The following CNTN1 variants were observed in gnomAD, a reference collection of about 807,000 sequenced individuals.
The protein encoded by CNTN1 is contactin-1.
A neutral mutation model predicts 126.4 loss-of-function variants in CNTN1; 38 were observed. The ratio of observed to expected loss-of-function variants is 0.30; its 90% CI spans 0.23 to 0.39. CNTN1 has a LOEUF of 0.39. Ranked by LOEUF, CNTN1 falls within the 10% of genes least tolerant of loss-of-function variation. The probability of loss-of-function intolerance (pLI) is 1.00; values close to 1 mark genes in which losing one functional copy is unlikely to be tolerated. For missense variants in CNTN1, 1,009 were observed against 1,248.4 expected, an observed-to-expected ratio of 0.81 and a Z score of 2.89; for synonymous variants, 413 against 422.6, an observed-to-expected ratio of 0.98 and a Z score of 0.28.
In CNTN1 at chr12:41,070,002, T is replaced by C. The variant is rs1217193201; in HGVS notation, c.3024T>C (p.Pro1008=). ...CAAGTCTTCTCGGCTTACTGCTGCC[T>C]GCCTTTGGCATCCTTGTCTACTTGG... ...LSPSLLGLLL[P]AFGILVYLEF The change falls in exon 24 of 24, where the codon CCT becomes CCC. Residue 1008 remains proline, a synonymous_variant. Transcript: ENST00000551295. 6.2e-7 allele frequency: 1 copy of C among 1,614,114 alleles called. No homozygotes were observed. The highest frequency in any genetic ancestry group is 8.5e-7 in the Non-Finnish European group (1 of 1,179,994).
At chr12:40,825,877 CT>C (rs1313301925) in intron 1 of CNTN1, among the ~76,000 whole-genome samples, 1 of 150,592 alleles carries the variant, frequency 6.6e-6, no homozygotes, top group Non-Finnish European at 1.5e-5. Context: ...GTATGTGTGT[CT>C]TTGTGTGTTT....
At chr12:40,846,360 C>T (rs201888294) in intron 1 of CNTN1, among the ~76,000 whole-genome samples, 1 of 152,100 alleles carries the variant, frequency 6.6e-6, no homozygotes, top group Non-Finnish European at 1.5e-5. Flanking sequence ...CCCAGCTATT[C>T]GGGAGGCTGA....
At chr12:40,906,618 T>C (rs1944826657) in intron 1 of CNTN1, among the ~76,000 whole-genome samples, 1 of 152,014 alleles carries the variant, frequency 6.6e-6, no homozygotes, top group Non-Finnish European at 1.5e-5. Flanking sequence ...CGACTATATT[T>C]ATACGTTGAA....
chr12:40,945,613 C>A (rs1336596716), intron 14 of CNTN1, among the ~76,000 whole-genome samples: 1 of 151,020 alleles, frequency 6.6e-6, no homozygotes, highest in African/African-American at 2.4e-5. Context: ...TATTTATATT[C>A]TTTAAAATAC....
chr12:41,043,412 T>G (rs1480345623), intron 23 of CNTN1, among the ~76,000 whole-genome samples: 1 of 152,304 alleles, frequency 6.6e-6, no homozygotes, highest in East Asian at 1.9e-4. Context: ...TCATCATCAC[T>G]GGCCATCAGA....
chr12:41,047,846 T>C (rs1949580825), intron 23 of CNTN1, among the ~76,000 whole-genome samples: 1 of 152,054 alleles, frequency 6.6e-6, no homozygotes, highest in Non-Finnish European at 1.5e-5. Context: ...ATCTACATAA[T>C]CTCAAACATC....
At chr12:40,972,313 A>C (rs1947541515) in intron 15 of CNTN1, 4 of 985,112 alleles carry the variant, frequency 4.1e-6, no homozygotes, top group Non-Finnish European at 4.8e-6. Flanking sequence ...AGGAGTATAT[A>C]ATTCTTTCTG....
At chr12:40,896,074 A>G (rs1944403858) in intron 1 of CNTN1, 1 of 151,918 alleles carries the variant, frequency 6.6e-6, no homozygotes, top group South Asian at 2.1e-4. Context: ...CCGCTTCAAG[A>G]TTTCTTAATG....
At chr12:41,016,302 G>A (rs1189612660) in intron 18 of CNTN1, among the ~76,000 whole-genome samples, 1 of 152,170 alleles carries the variant, frequency 6.6e-6, no homozygotes, top group Non-Finnish European at 1.5e-5. Flanking sequence ...TGCGGGACAT[G>A]GAGCATTGTG....
intron 1 of CNTN1, among the ~76,000 whole-genome samples, chr12:40,873,675 G>C (rs1232041987): frequency 1.3e-5 from 2 of 152,030 alleles, no homozygotes; most frequent in Non-Finnish European, 2.9e-5. Context: ...CTTCCTTTTA[G>C]AATACAATAC....
intron 6 of CNTN1, among the ~76,000 whole-genome samples, chr12:40,925,076 C>T (rs1002706486): frequency 6.6e-6 from 1 of 151,478 alleles, no homozygotes; most frequent in Non-Finnish European, 1.5e-5. Context: ...GGGATAAAGA[C>T]ATAATAAATT....
intron 23 of CNTN1, among the ~76,000 whole-genome samples, chr12:41,038,767 A>C (rs969601449): frequency 6.6e-6 from 1 of 152,152 alleles, no homozygotes; most frequent in Non-Finnish European, 1.5e-5. Flanking sequence ...ATAGCAATAC[A>C]TAAAGTTTTG....
intron 9 of CNTN1, among the ~76,000 whole-genome samples, chr12:40,934,739 C>T (rs568071750): frequency 6.6e-6 from 1 of 152,148 alleles, no homozygotes; most frequent in East Asian, 1.9e-4. Flanking sequence ...GTCTCCATCT[C>T]CAGTTTTTCT....
chr12:40,793,971 G>GA (rs5797685), intron 1 of CNTN1, among the ~76,000 whole-genome samples: 143,251 of 152,012 alleles, frequency 0.94, 68,081 homozygotes, highest in East Asian at 1. Context: ...TGGTAAGGGG[G>GA]AACTCATTTG....
At chr12:40,813,613 G>C (rs1448077689) in intron 1 of CNTN1, among the ~76,000 whole-genome samples, 2 of 152,114 alleles carry the variant, frequency 1.3e-5, no homozygotes, top group Non-Finnish European at 2.9e-5. Flanking sequence ...ATTTGGGTGG[G>C]TTCCAAGTCT....
chr12:40,817,162 TC>T (rs1359453412), intron 1 of CNTN1, among the ~76,000 whole-genome samples: 1 of 152,222 alleles, frequency 6.6e-6, no homozygotes, highest in Non-Finnish European at 1.5e-5. Flanking sequence ...GTCTACTAGG[TC>T]CCCTTGATCC....
At chr12:41,040,081 G>A (rs372178600) in intron 23 of CNTN1, among the ~76,000 whole-genome samples, 8 of 152,124 alleles carry the variant, frequency 5.3e-5, no homozygotes, top group African/African-American at 1.4e-4. Context: ...GATGTGTTAG[G>A]AATCACACAG....
At chr12:40,843,931 G>T (rs934225521) in intron 1 of CNTN1, among the ~76,000 whole-genome samples, 1 of 152,000 alleles carries the variant, frequency 6.6e-6, no homozygotes, top group Non-Finnish European at 1.5e-5. Context: ...TGCCAAATTA[G>T]CTAGAAGAAC....
intron 1 of CNTN1, among the ~76,000 whole-genome samples, chr12:40,830,182 A>G (rs190818097): frequency 6.6e-6 from 1 of 152,284 alleles, no homozygotes; most frequent in East Asian, 1.9e-4. Flanking sequence ...CAGATAAAGA[A>G]TAGTTTCCAG....
Sources: gnomAD v4.1 joint callset for allele counts (sites outside exome capture counted in the v4.1 genomes callset) on GRCh38, gnomAD v4.1.1 for gene constraint, MANE v1.5 for transcripts, NCBI Gene and HGNC (gene_info 2026-07-23, HGNC 2026-07-21) for gene names.